MALRD1: variants seen among roughly 807,000 people sequenced by gnomAD.
MALRD1 encodes the protein MAM and LDL-receptor class A domain-containing protein 1.
A neutral mutation model predicts 242.1 loss-of-function variants in MALRD1; 247 were observed. The ratio of observed to expected loss-of-function variants is 1.02; its 90% CI spans 0.92 to 1.13. The LOEUF (loss-of-function observed/expected upper bound fraction) is 1.13, where lower values mean the gene tolerates loss of function less well. Among genes scored for constraint, MALRD1 ranks in the 50% most tolerant of loss-of-function variants. The pLI, the probability that MALRD1 is intolerant of heterozygous loss-of-function variation, is 0.00. For synonymous variants in MALRD1, 995 were observed against 866.6 expected (o/e 1.15, Z -2.60); for missense variants, 2,989 against 2,533.1 (o/e 1.18, Z -3.86).
At chr10:19,068,501 C>T (rs1835047591) in intron 2 of MALRD1, among the ~76,000 whole-genome samples, 1 of 151,980 alleles carries the variant, frequency 6.6e-6, no homozygotes. Context: ...GTCTCAGTTT[C>T]CTTATCTGTA....
At chr10:19,213,883 T>C (rs1837183690) in intron 18 of MALRD1, among the ~76,000 whole-genome samples, 1 of 152,168 alleles carries the variant, frequency 6.6e-6, no homozygotes, top group Non-Finnish European at 1.5e-5. Flanking sequence ...ATCAGACCAG[T>C]TCTCATTTTA....
chr10:19,214,732 G>T (rs1467135458), intron 18 of MALRD1, among the ~76,000 whole-genome samples: 1 of 152,126 alleles, frequency 6.6e-6, no homozygotes, highest in South Asian at 2.1e-4. Context: ...AAAAATGGGT[G>T]CCCTTTCCAC....
At chr10:19,629,700 G>C (rs1320455838) in intron 36 of MALRD1, among the ~76,000 whole-genome samples, 1 of 152,116 alleles carries the variant, frequency 6.6e-6, no homozygotes, top group Non-Finnish European at 1.5e-5. Flanking sequence ...ACAGCTCAGT[G>C]GTGGCGCTCG....
rs374604262 is a variant in MALRD1, at chr10:19,504,001, C to A, written c.5320+5355C>A. ...CTATCATGCATTTCTATACTCACCA[C>A]TCAAGGTCAGAAAACACCCCCAAAT... On this transcript the variant is annotated intron_variant, in intron 31 of 39. Coordinates refer to ENST00000454679, the MANE Select transcript of MALRD1 (RefSeq NM_001142308.3). Among the ~76,000 whole-genome samples the A allele has an allele frequency of 2.6e-5, 4 of 152,322 alleles. No homozygotes were observed. The East Asian group carries it at 7.7e-4, about 29-fold the overall frequency.
chr10:19,292,892 C>CAAAAAAAAAA (rs57002523), intron 21 of MALRD1, among the ~76,000 whole-genome samples: 1 of 72,860 alleles, frequency 1.4e-5, no homozygotes, highest in Non-Finnish European at 2.6e-5. Context: ...GACTCTGCCT[C>CAAAAAAAAAA]AAAAAAAAAA....
intron 26 of MALRD1, among the ~76,000 whole-genome samples, chr10:19,375,592 T>C (rs906604993): frequency 3.3e-5 from 5 of 152,216 alleles, no homozygotes; most frequent in African/African-American, 9.6e-5. Flanking sequence ...GACCTTATAA[T>C]CTGTATTTTT....
intron 5 of MALRD1, among the ~76,000 whole-genome samples, chr10:19,113,830 C>CACACACACACACACACACACACAG (rs1422267454): frequency 1.4e-5 from 2 of 144,582 alleles, no homozygotes; most frequent in East Asian, 4.0e-4. Context: ...CACACACACA[C>CACACACACACACACACACACACAG]AGACACACAC....
intron 33 of MALRD1, among the ~76,000 whole-genome samples, chr10:19,580,806 A>C (rs1311669396): frequency 6.6e-6 from 1 of 151,630 alleles, no homozygotes; most frequent in African/African-American, 2.4e-5. Flanking sequence ...CATTTTCTTC[A>C]CTCTTGTCTC....
At chr10:19,537,461 T>C (rs1834740864) in intron 32 of MALRD1, among the ~76,000 whole-genome samples, 1 of 152,130 alleles carries the variant, frequency 6.6e-6, no homozygotes, top group Admixed American at 6.5e-5. Context: ...TTTTGTGACT[T>C]CACATGATGG....
At chr10:19,481,024 G>A (rs965175190) in intron 29 of MALRD1, among the ~76,000 whole-genome samples, 4 of 151,682 alleles carry the variant, frequency 2.6e-5, no homozygotes, top group African/African-American at 9.7e-5. Flanking sequence ...AGAGAGCTTG[G>A]TATATATATA....
chr10:19,451,986 A>G (rs1380766070), intron 29 of MALRD1, among the ~76,000 whole-genome samples: 2 of 152,156 alleles, frequency 1.3e-5, no homozygotes, highest in Admixed American at 6.5e-5. Context: ...GGTTTTGCAC[A>G]TGTATTTGTG....
intron 36 of MALRD1, among the ~76,000 whole-genome samples, chr10:19,677,836 A>G (rs911007792): frequency 6.6e-6 from 1 of 152,174 alleles, no homozygotes; most frequent in African/African-American, 2.4e-5. Flanking sequence ...TCTTGAATTA[A>G]TTTTTATGTA....
intron 32 of MALRD1, among the ~76,000 whole-genome samples, chr10:19,532,147 G>A (rs982206270): frequency 2.0e-5 from 3 of 152,188 alleles, no homozygotes; most frequent in African/African-American, 7.2e-5. Context: ...GATGAGGTAA[G>A]TATATTTTTT....
chr10:19,544,959 G>T (rs1835146927), intron 32 of MALRD1, among the ~76,000 whole-genome samples: 1 of 152,090 alleles, frequency 6.6e-6, no homozygotes, highest in African/African-American at 2.4e-5. Context: ...ATGCATATTA[G>T]CTTGCTAGAG....
chr10:19,060,618 C>A (rs1343267971), intron 1 of MALRD1, among the ~76,000 whole-genome samples: 1 of 152,136 alleles, frequency 6.6e-6, no homozygotes, highest in Non-Finnish European at 1.5e-5. Flanking sequence ...GTTATTCAGA[C>A]ATATTAACTA....
At chr10:19,112,935 T>G (rs1836731013) in intron 5 of MALRD1, among the ~76,000 whole-genome samples, 1 of 152,174 alleles carries the variant, frequency 6.6e-6, no homozygotes. Flanking sequence ...TAAGAGTAAT[T>G]TTTACATATT....
In MALRD1 at chr10:19,632,482, T is replaced by G. The variant is rs544747948; in HGVS notation, c.6137+16559T>G. On this transcript the variant is annotated intron_variant, in intron 36 of 39. Transcript: ENST00000454679. ...AGTGATGCTGGTGAATCTTTTCATC[T>G]CTATCTTAGTATATGTAAAAGTTAT... 4.6e-5 allele frequency among the ~76,000 whole-genome samples: 7 copies of G among 152,252 alleles called. No homozygotes were observed. The East Asian group carries it at 1.4e-3, about 30-fold the overall frequency.
intron 28 of MALRD1, among the ~76,000 whole-genome samples, chr10:19,445,930 C>A (rs1260614528): frequency 6.6e-6 from 1 of 152,200 alleles, no homozygotes; most frequent in Admixed American, 6.5e-5. Flanking sequence ...CCTCCTTGAG[C>A]TGTGGTGGGC....
intron 28 of MALRD1, among the ~76,000 whole-genome samples, chr10:19,390,562 C>T (rs1410401112): frequency 6.6e-6 from 1 of 152,028 alleles, no homozygotes; most frequent in Admixed American, 6.6e-5. Context: ...AAAACAGTAG[C>T]CGAAAGGAGA....
Sources: gnomAD v4.1 joint callset for allele counts (sites outside exome capture counted in the v4.1 genomes callset) on GRCh38, gnomAD v4.1.1 for gene constraint, MANE v1.5 for transcripts, NCBI Gene and HGNC (gene_info 2026-07-23, HGNC 2026-07-21) for gene names.